ARID2: variants seen among roughly 807,000 people sequenced by gnomAD.
The protein encoded by ARID2 is AT-rich interactive domain-containing protein 2.
A neutral mutation model predicts 184.6 loss-of-function variants in ARID2; 32 were observed. The observed-to-expected ratio is 0.17, with a 90% CI of 0.13 to 0.23. The LOEUF is 0.23. Ranked by LOEUF, ARID2 falls within the 10% of genes least tolerant of loss-of-function variation. The pLI is 1.00. For missense variants in ARID2, 1,696 were observed against 2,197.6 expected (o/e 0.77, Z 4.56); for synonymous variants, 836 against 772.6 (o/e 1.08, Z -1.36).
In ARID2 at chr12:45,838,152, A is replaced by G. The variant is rs192541724; in HGVS notation, c.1330+445A>G. 2.0e-5 allele frequency among the ~76,000 whole-genome samples: 3 copies of G among 152,352 alleles called. No homozygotes were observed. In the East Asian group the frequency reaches 5.8e-4, roughly 29 times the overall value. ...TTTCTGTTTCATATGGCCAGCTACT[A>G]CTGTTAAACAATTAAAGCTAAGTGA... On this transcript the variant is annotated intron_variant, in intron 10 of 20. Coordinates refer to ENST00000334344, the MANE Select transcript of ARID2 (RefSeq NM_152641.4).
chr12:45,761,603 C>G (rs1941680529), intron 3 of ARID2, among the ~76,000 whole-genome samples: 2 of 152,004 alleles, frequency 1.3e-5, no homozygotes, highest in South Asian at 2.1e-4. Flanking sequence ...TGACCCTGCT[C>G]TTTTTTAGGT....
chr12:45,803,910 T>C (rs1942552891), intron 3 of ARID2, among the ~76,000 whole-genome samples: 1 of 152,200 alleles, frequency 6.6e-6, no homozygotes, highest in Non-Finnish European at 1.5e-5. Context: ...GAGTAAAGGT[T>C]CCACTTGTCA....
At chr12:45,763,953 G>T (rs1941725171) in intron 3 of ARID2, among the ~76,000 whole-genome samples, 1 of 152,108 alleles carries the variant, frequency 6.6e-6, no homozygotes, top group Admixed American at 6.5e-5. Context: ...AAATAGAAAG[G>T]ATCACTGAAA....
intron 3 of ARID2, among the ~76,000 whole-genome samples, chr12:45,781,971 G>T (rs1358294331): frequency 1.3e-5 from 2 of 152,094 alleles, no homozygotes; most frequent in African/African-American, 2.4e-5. Context: ...GATAAAACTT[G>T]CTGTTTCCTC....
At chr12:45,863,238 A>G (rs1943778118) in intron 16 of ARID2, among the ~76,000 whole-genome samples, 2 of 152,224 alleles carry the variant, frequency 1.3e-5, no homozygotes, top group South Asian at 4.1e-4. Context: ...GAGCAAGCAC[A>G]GGAGTGTAAA....
chr12:45,845,311 G>A (rs961630509), intron 11 of ARID2, among the ~76,000 whole-genome samples: 8 of 152,028 alleles, frequency 5.3e-5, no homozygotes, highest in Admixed American at 1.3e-4. Context: ...TATTAATATC[G>A]TCAACTTAGA....
chr12:45,887,569 A>G (rs778825379), intron 16 of ARID2, among the ~76,000 whole-genome samples: 1 of 152,262 alleles, frequency 6.6e-6, no homozygotes, highest in Non-Finnish European at 1.5e-5. Context: ...TCACACAACC[A>G]GGAAAGATTA....
At chr12:45,756,495 T>A (rs991785063) in intron 3 of ARID2, among the ~76,000 whole-genome samples, 1 of 152,248 alleles carries the variant, frequency 6.6e-6, no homozygotes, top group African/African-American at 2.4e-5. Context: ...TAATAAAAAT[T>A]GCTTCCACTC....
intron 3 of ARID2, among the ~76,000 whole-genome samples, chr12:45,744,094 TTTC>T (rs1240042561): frequency 1.3e-5 from 2 of 152,176 alleles, no homozygotes; most frequent in Non-Finnish European, 2.9e-5. Flanking sequence ...ATCAAATTAC[TTTC>T]TTTTGTCTAA....
At chr12:45,802,080 C>A (rs770923788) in intron 3 of ARID2, among the ~76,000 whole-genome samples, 1 of 150,254 alleles carries the variant, frequency 6.7e-6, no homozygotes, top group African/African-American at 2.5e-5. Context: ...CCACCCACCC[C>A]CGAGACGACA....
intron 6 of ARID2, among the ~76,000 whole-genome samples, chr12:45,832,795 G>T (rs1943146717): frequency 6.6e-6 from 1 of 152,178 alleles, no homozygotes; most frequent in Non-Finnish European, 1.5e-5. Flanking sequence ...ATTAAAAGAA[G>T]ACAGTGCAAC....
intron 16 of ARID2, among the ~76,000 whole-genome samples, chr12:45,888,761 C>T (rs1471787803): frequency 6.6e-6 from 1 of 152,068 alleles, no homozygotes; most frequent in East Asian, 1.9e-4. Context: ...CTTTTTTGCC[C>T]AGAGCTGTTG....
At chr12:45,816,892 T>C (rs927006731) in intron 4 of ARID2, among the ~76,000 whole-genome samples, 3 of 152,240 alleles carry the variant, frequency 2.0e-5, no homozygotes, top group African/African-American at 4.8e-5. Context: ...GGGGATGGAA[T>C]TGAGCATGAG....
chr12:45,851,358 C>T lies in ARID2; in HGVS notation c.3235C>T (p.Leu1079Phe), dbSNP rs1943546114. ...GPSTPGGKLILPAPQIPPPNN... is the reference protein window; with the variant it reads ...GPSTPGGKLIFPAPQIPPPNN... The stretch of plus-strand genomic sequence containing the variant: ...TTCAACACCAGGTGGTAAGCTTATT[C>T]TCCCAGCTCCACAGATTCCTCCCCC... The change falls in exon 15 of 21, where the codon CTC (leucine) becomes TTC (phenylalanine). Residue 1079 changes from leucine (L) to phenylalanine (F), a missense_variant. Transcript: ENST00000334344. 2 of 1,614,136 alleles carry T rather than the reference C, an allele frequency of 1.2e-6. No individual in the cohort carries two copies. Among genetic ancestry groups the T allele is most frequent in the Non-Finnish European group, 1.7e-6 (2 of 1,180,002 alleles).
intron 3 of ARID2, among the ~76,000 whole-genome samples, chr12:45,755,386 G>T (rs534618568): frequency 3.3e-5 from 5 of 152,232 alleles, no homozygotes; most frequent in Admixed American, 2.0e-4. Context: ...CAGAGAATGA[G>T]ATTATTTTTA....
intron 3 of ARID2, among the ~76,000 whole-genome samples, chr12:45,734,897 C>T (rs1041073154): frequency 3.6e-4 from 55 of 152,228 alleles, no homozygotes; most frequent in African/African-American, 1.3e-3. Context: ...TCAAGGTTAA[C>T]TTGATGTTTC....
chr12:45,839,274 T>C lies in ARID2; in HGVS notation c.1331-55T>C, dbSNP rs1161902915. ...CTGTACAACATGTGTTCACCAGTGATGGCATTCATTTATAATATTATTGAC... is the reference window on the plus strand; with the variant it reads ...CTGTACAACATGTGTTCACCAGTGACGGCATTCATTTATAATATTATTGAC... On this transcript the variant is annotated intron_variant, in intron 10 of 20. Coordinates refer to ENST00000334344, the MANE Select transcript of ARID2 (RefSeq NM_152641.4). The C allele has an allele frequency of 2.0e-6, 3 of 1,467,336 alleles. No individual in the cohort carries two copies. The African/African-American group carries it at 4.3e-5, about 21-fold the overall frequency. The allele number at this position is 1,467,336 out of a possible 1,614,324, so 90.9% of individuals were successfully genotyped here.
At chr12:45,730,012 C>T (rs759457779) in intron 1 of ARID2, 32 bp from the exon 2 acceptor site, 2 of 1,610,680 alleles carry the variant, frequency 1.2e-6, no homozygotes, top group Non-Finnish European at 8.5e-7. Flanking sequence ...GGGGTCCCGG[C>T]TGACAAGTGC....
chr12:45,750,551 T>C (rs866222308), intron 3 of ARID2, among the ~76,000 whole-genome samples: 61 of 152,246 alleles, frequency 4.0e-4, no homozygotes, highest in African/African-American at 1.3e-3. Flanking sequence ...GAAAGCACAA[T>C]AAAATGAGGC....
Sources: allele counts gnomAD v4.1 joint callset (sites outside exome capture counted in the v4.1 genomes callset), GRCh38; gene constraint gnomAD v4.1.1; transcripts MANE v1.5; gene names NCBI Gene and HGNC (gene_info 2026-07-23, HGNC 2026-07-21).